The following RRP15 variants were observed in gnomAD, a reference collection of about 807,000 sequenced individuals.
The protein encoded by RRP15 is RRP15-like protein.
In RRP15, 18 loss-of-function variants were observed where a neutral mutation model predicts 27.1. That is an observed-to-expected ratio of 0.66 (90% confidence interval 0.46 to 0.98). The LOEUF (loss-of-function observed/expected upper bound fraction) is 0.98, where lower values mean the gene tolerates loss of function less well. Among genes scored for constraint, RRP15 ranks in the 50% least tolerant of loss-of-function variants. The pLI is 0.00. For missense variants in RRP15, 359 were observed against 337.8 expected, an observed-to-expected ratio of 1.06 and a Z score of -0.49; for synonymous variants, 107 against 109.4, an observed-to-expected ratio of 0.98 and a Z score of 0.14.
At chr1:218,289,103 G>A (rs957419970) in intron 1 of RRP15, among the ~76,000 whole-genome samples, 1 of 152,104 alleles carries the variant, frequency 6.6e-6, no homozygotes, top group East Asian at 1.9e-4. Context: ...TTTGGCACAT[G>A]GTACCCACTC....
chr1:218,321,767 A>G (rs1267552468), intron 4 of RRP15, among the ~76,000 whole-genome samples: 1 of 152,082 alleles, frequency 6.6e-6, no homozygotes, highest in Non-Finnish European at 1.5e-5. Flanking sequence ...AATGAAATCT[A>G]TTCAGGGATC....
chr1:218,333,912 T>C lies in RRP15; in HGVS notation c.*2821T>C, dbSNP rs1656411859. ...AACTACTTAGAATAATATAGTAGGT[T>C]ACTTATCTTCGGTTAGAAAGAACTA... On this transcript the variant is annotated 3_prime_UTR_variant, in exon 5 of 5. Transcript: ENST00000366932. The C allele has an allele frequency of 2.0e-5, 3 of 152,216 alleles. No individual in the cohort carries two copies. Among genetic ancestry groups the C allele is most frequent in the Admixed American group, 2.0e-4 (3 of 15,280 alleles). 9.4% of individuals were successfully genotyped at this position (152,216 alleles called of 1,614,324 possible). A position where few individuals can be genotyped will look rare whatever the true frequency, so the allele number is the denominator to read the frequency against.
At chr1:218,302,657 C>A in intron 2 of RRP15, 98 bp downstream of exon 2, 1 of 1,503,870 alleles carries the variant, frequency 6.6e-7, no homozygotes, top group Non-Finnish European at 8.9e-7. Flanking sequence ...AATTAACGTT[C>A]CAGTTTTTAA....
intron 1 of RRP15, among the ~76,000 whole-genome samples, chr1:218,298,373 A>G (rs1188694220): frequency 2.0e-5 from 3 of 152,276 alleles, no homozygotes; most frequent in East Asian, 1.9e-4. Context: ...CAATTTGGCT[A>G]TGTAATTTAT....
chr1:218,315,522 G>A (rs1399742796), intron 4 of RRP15, among the ~76,000 whole-genome samples: 2 of 152,100 alleles, frequency 1.3e-5, no homozygotes, highest in Admixed American at 6.5e-5. Flanking sequence ...CTGCCTCCCA[G>A]GTTCAAGCAA....
chr1:218,315,643 G>T (rs151215003), intron 4 of RRP15, among the ~76,000 whole-genome samples: 1,531 of 151,310 alleles, frequency 0.01, 28 homozygotes, highest in African/African-American at 0.035. Context: ...AGTAGAGATG[G>T]GGTTTTACCA....
At position 218,307,611 on chromosome 1, in the gene RRP15, G is replaced by C; in HGVS notation, c.684G>C (p.Arg228Ser). The C allele has an allele frequency of 3.1e-6, 5 of 1,613,596 alleles. No homozygotes were observed. The highest frequency in any genetic ancestry group is 4.2e-6 in the Non-Finnish European group (5 of 1,179,794). ...GTACAAATGAGACTGCTTCAAGCAG[G>C]AAGAAACCAAAAGCCAAACAGGTAA... is the stretch of plus-strand genomic sequence containing the variant. ...DGSTNETASS[R>S]KKPKAKQTEV... The change falls in exon 4 of 5, where the codon AGG becomes AGC. Residue 228 changes from arginine to serine, a missense_variant. By Grantham distance (110) the Arg-to-Ser change is moderately radical (BLOSUM62 -1). Coordinates refer to ENST00000366932, the MANE Select transcript of RRP15 (RefSeq NM_016052.4).
At chr1:218,325,389 C>T (rs1330396541) in intron 4 of RRP15, among the ~76,000 whole-genome samples, 2 of 152,124 alleles carry the variant, frequency 1.3e-5, no homozygotes, top group Non-Finnish European at 2.9e-5. Context: ...CCTCAGTGTC[C>T]TGAGAAAGGC....
intron 4 of RRP15, among the ~76,000 whole-genome samples, chr1:218,326,087 G>A (rs531106213): frequency 9.0e-4 from 137 of 152,204 alleles, no homozygotes; most frequent in African/African-American, 3.1e-3. Context: ...GGTGGATCAC[G>A]TGAAGTCAGT....
Position 218,336,489 on chromosome 1 carries a change from A to T in RRP15, c.*5398A>T, listed in dbSNP as rs569375175. The T allele has an allele frequency of 6.6e-6, 1 of 152,606 alleles. No homozygotes were observed. Among genetic ancestry groups the T allele is most frequent in the Non-Finnish European group, 1.5e-5 (1 of 68,034 alleles). The allele number at this position is 152,606 out of a possible 1,614,324, so 9.5% of individuals were successfully genotyped here. A position where few individuals can be genotyped will look rare whatever the true frequency, so the allele number is the denominator to read the frequency against. ...AGAGACAGCTGAGAGCTGTGTCCCTATGCGTGGGTGGCCTTGCAGCTGTTG... is the reference window on the plus strand; with the variant it reads ...AGAGACAGCTGAGAGCTGTGTCCCTTTGCGTGGGTGGCCTTGCAGCTGTTG... On this transcript the variant is annotated 3_prime_UTR_variant, in exon 5 of 5. Transcript: ENST00000366932.
In RRP15 at chr1:218,334,713, T is replaced by C. The variant is rs1014283840; in HGVS notation, c.*3622T>C. On this transcript the variant is annotated 3_prime_UTR_variant, in exon 5 of 5. Transcript: ENST00000366932. ...ATCTCCACTCTGCATGTCACTGATA[T>C]GGTATAGACGCTATAAGCCCTGTAG... 24 of 152,234 alleles carry C rather than the reference T, an allele frequency of 1.6e-4. No individual in the cohort carries two copies. Among genetic ancestry groups the C allele is most frequent in the African/African-American group, 5.3e-4 (22 of 41,470 alleles). The allele number at this position is 152,234 out of a possible 1,614,324, so 9.4% of individuals were successfully genotyped here. A position where few individuals can be genotyped will look rare whatever the true frequency, so the allele number is the denominator to read the frequency against.
chr1:218,302,482 A>T lies in RRP15; in HGVS notation c.328A>T (p.Thr110Ser), dbSNP rs147190181. ...LNKKTPESKP[T>S]ILVKNKKLEK... ...CAAGAAAACTCCTGAAAGTAAACCT[A>T]CTATTCTGGTCAAAAATAAGAAGCT... Residue 110 changes from threonine (T) to serine (S), a missense_variant, in exon 2 of 5, where the codon ACT becomes TCT. By Grantham distance (58) the Thr-to-Ser change is moderately conservative (BLOSUM62 1). Transcript: ENST00000366932. 1.5e-5 allele frequency: 25 copies of T among 1,614,032 alleles called. No individual in the cohort carries two copies. The African/African-American group carries it at 2.8e-4, about 18-fold the overall frequency.
chr1:218,334,388 A>G lies in RRP15; in HGVS notation c.*3297A>G, dbSNP rs543513971. The G allele has an allele frequency of 6.6e-6, 1 of 152,096 alleles. No individual in the cohort carries two copies. The highest frequency in any genetic ancestry group is 2.4e-5 in the African/African-American group (1 of 41,424). The allele number at this position is 152,096 out of a possible 1,614,324, so 9.4% of individuals were successfully genotyped here. A position where few individuals can be genotyped will look rare whatever the true frequency, so the allele number is the denominator to read the frequency against. On this transcript the variant is annotated 3_prime_UTR_variant, in exon 5 of 5. Transcript: ENST00000366932. Reference sequence around the variant, plus strand: ...CAATCCAATTTCTTTAAAATAAAATATTTTTTGCCTTTTAAAACAGATGGG... The same window carrying G: ...CAATCCAATTTCTTTAAAATAAAATGTTTTTTGCCTTTTAAAACAGATGGG...
intron 4 of RRP15, among the ~76,000 whole-genome samples, chr1:218,313,516 A>G (rs1401810297): frequency 2.0e-5 from 3 of 152,216 alleles, no homozygotes; most frequent in Non-Finnish European, 2.9e-5. Flanking sequence ...TGAGAGGTAA[A>G]GATTTTTGGA....
At chr1:218,316,674 TA>T (rs2102508756) in intron 4 of RRP15, among the ~76,000 whole-genome samples, 1 of 152,274 alleles carries the variant, frequency 6.6e-6, no homozygotes, top group African/African-American at 2.4e-5. Flanking sequence ...ATAAAGCACT[TA>T]GAATGATGCT....
chr1:218,319,803 A>G (rs1169889791), intron 4 of RRP15, among the ~76,000 whole-genome samples: 4 of 152,172 alleles, frequency 2.6e-5, no homozygotes, highest in Non-Finnish European at 5.9e-5. Flanking sequence ...AGACGTTGGT[A>G]TCTATTTTTC....
chr1:218,313,972 TTTTTATTTTA>T lies in RRP15; in HGVS notation c.705+6372_705+6381del, dbSNP rs66715330. Among the ~76,000 whole-genome samples, 302 of 147,278 alleles carry T rather than the reference TTTTTATTTTA, an allele frequency of 2.1e-3. 1 individual carries two copies. The highest frequency in any genetic ancestry group is 6.8e-3 in the Middle Eastern group (2 of 292). ...ATATCTTGATGTTGACCCCGAGTGA[TTTTTATTTTA>T]TTTTATTTTATTTTATTTTATTTTA... On this transcript the variant is annotated intron_variant, in intron 4 of 4. Coordinates refer to ENST00000366932, the MANE Select transcript of RRP15 (RefSeq NM_016052.4).
At position 218,336,246 on chromosome 1, in the gene RRP15, C is replaced by G. The variant is rs2102521456; in HGVS notation, c.*5155C>G. ...AGCAAATGTAGGTTGCAGATTCAGG[C>G]AAAACACACACACACACACACACAA... On this transcript the variant is annotated 3_prime_UTR_variant, in exon 5 of 5. Coordinates refer to ENST00000366932, the MANE Select transcript of RRP15 (RefSeq NM_016052.4). 1 of 150,834 alleles carries G rather than the reference C, an allele frequency of 6.6e-6. No individual in the cohort carries two copies. Among genetic ancestry groups the G allele is most frequent in the Admixed American group, 6.6e-5 (1 of 15,154 alleles). The allele number at this position is 150,834 out of a possible 1,614,324, so 9.3% of individuals were successfully genotyped here.
chr1:218,321,486 A>G (rs969291448), intron 4 of RRP15, among the ~76,000 whole-genome samples: 2 of 152,238 alleles, frequency 1.3e-5, no homozygotes, highest in Non-Finnish European at 2.9e-5. Context: ...GCTTCCATCT[A>G]TGATAGTAAA....
Sources: allele counts gnomAD v4.1 joint callset (sites outside exome capture counted in the v4.1 genomes callset), GRCh38; gene constraint gnomAD v4.1.1; transcripts MANE v1.5; gene names NCBI Gene and HGNC (gene_info 2026-07-23, HGNC 2026-07-21).